PLAG1: variants seen among roughly 807,000 people sequenced by gnomAD.
PLAG1 encodes the protein PLAG1 zinc finger.
In PLAG1, 7 loss-of-function variants were observed where a neutral mutation model predicts 35.5. That is an observed-to-expected ratio of 0.20 (90% CI 0.11 to 0.37). PLAG1 has a LOEUF of 0.37. Ranked by LOEUF, PLAG1 falls within the 10% of genes least tolerant of loss-of-function variation. The pLI, the probability that PLAG1 is intolerant of heterozygous loss-of-function variation, is 1.00. For synonymous variants in PLAG1, 229 were observed against 225.4 expected (o/e 1.02, Z -0.14); for missense variants, 454 against 602.8 (o/e 0.75, Z 2.58).
intron 1 of PLAG1, among the ~76,000 whole-genome samples, chr8:56,205,991 A>G (rs767077460): frequency 6.6e-6 from 1 of 152,028 alleles, no homozygotes; most frequent in African/African-American, 2.4e-5. Flanking sequence ...AATACTAACA[A>G]TTTTAATGCA....
At chr8:56,172,526 T>G (rs1323566690) in intron 2 of PLAG1, among the ~76,000 whole-genome samples, 2 of 152,364 alleles carry the variant, frequency 1.3e-5, no homozygotes, top group East Asian at 1.9e-4. Context: ...AAGACCATTT[T>G]GTGTATTATG....
chr8:56,200,881 T>C (rs1010257557), intron 1 of PLAG1, among the ~76,000 whole-genome samples: 3 of 152,236 alleles, frequency 2.0e-5, no homozygotes, highest in Admixed American at 6.5e-5. Flanking sequence ...GATCTCTTTA[T>C]ACATTAACTC....
Position 56,189,167 on chromosome 8 carries a change from T to A in PLAG1, c.-321-9654A>T, listed in dbSNP as rs180697699. 1.7e-4 allele frequency among the ~76,000 whole-genome samples: 26 copies of A among 152,228 alleles called. 1 individual carries two copies. Among genetic ancestry groups the A allele is most frequent in the Non-Finnish European group, 3.2e-4 (22 of 68,040 alleles). On this transcript the variant is annotated intron_variant, in intron 1 of 4. Coordinates refer to ENST00000316981, the MANE Select transcript of PLAG1 (RefSeq NM_002655.3). ...GGAAGGGCAGGAGGAGAGCTTTCCA[T>A]GCTGTTGGCCAAATGAACCCACGGA...
At chr8:56,180,337 A>G (rs1206959708) in intron 1 of PLAG1, among the ~76,000 whole-genome samples, 3 of 152,206 alleles carry the variant, frequency 2.0e-5, no homozygotes, top group Non-Finnish European at 4.4e-5. Flanking sequence ...AACATTACCA[A>G]CACCTATTAT....
chr8:56,205,203 TA>T (rs1201748408), intron 1 of PLAG1, among the ~76,000 whole-genome samples: 1 of 151,938 alleles, frequency 6.6e-6, no homozygotes, highest in African/African-American at 2.4e-5. Context: ...TTCATTAACT[TA>T]AAGTTTTAAA....
At chr8:56,183,882 G>A (rs1811942809) in intron 1 of PLAG1, among the ~76,000 whole-genome samples, 1 of 152,024 alleles carries the variant, frequency 6.6e-6, no homozygotes, top group African/African-American at 2.4e-5. Flanking sequence ...TAAAACTTCT[G>A]GAAGAAAGCA....
At chr8:56,184,402 T>C (rs1040053700) in intron 1 of PLAG1, among the ~76,000 whole-genome samples, 3 of 152,228 alleles carry the variant, frequency 2.0e-5, no homozygotes, top group Non-Finnish European at 2.9e-5. Context: ...AATGGTACAA[T>C]TGTTTTGAAA....
At chr8:56,189,570 T>C (rs1812123425) in intron 1 of PLAG1, among the ~76,000 whole-genome samples, 1 of 152,132 alleles carries the variant, frequency 6.6e-6, no homozygotes, top group South Asian at 2.1e-4. Flanking sequence ...GAGCTTGGGG[T>C]CTAGTAAGGA....
intron 2 of PLAG1, among the ~76,000 whole-genome samples, chr8:56,179,176 G>A (rs1336153789): frequency 6.6e-6 from 1 of 151,906 alleles, no homozygotes; most frequent in Non-Finnish European, 1.5e-5. Flanking sequence ...TATGTGTTTT[G>A]TGCAAAGAGT....
Position 56,166,169 on chromosome 8 carries a change from G to T in PLAG1, c.*74C>A. On this transcript the variant is annotated 3_prime_UTR_variant, in exon 5 of 5. Transcript: ENST00000316981. ...GAAATTTTTATACTGTTTTAAAGTAGGCACTAAAATAAAAATGGTCATCTA... is the reference window on the plus strand; with the variant it reads ...GAAATTTTTATACTGTTTTAAAGTATGCACTAAAATAAAAATGGTCATCTA... 2.0e-6 allele frequency: 2 copies of T among 1,015,114 alleles called. No individual in the cohort carries two copies. The highest frequency in any genetic ancestry group is 3.8e-5 in the South Asian group (2 of 52,380). 62.9% of individuals were successfully genotyped at this position (1,015,114 alleles called of 1,614,324 possible). A position where few individuals can be genotyped will look rare whatever the true frequency, so the allele number is the denominator to read the frequency against.
chr8:56,203,504 C>T (rs1360192311), intron 1 of PLAG1, among the ~76,000 whole-genome samples: 1 of 152,012 alleles, frequency 6.6e-6, no homozygotes, highest in African/African-American at 2.4e-5. Context: ...AAAAGCTAGA[C>T]CTGATAGATG....
At chr8:56,190,190 G>A (rs1299894423) in intron 1 of PLAG1, among the ~76,000 whole-genome samples, 1 of 152,238 alleles carries the variant, frequency 6.6e-6, no homozygotes. Context: ...AACACAGTGA[G>A]TGGCAAAGGA....
intron 1 of PLAG1, among the ~76,000 whole-genome samples, chr8:56,182,423 C>G (rs1811897749): frequency 6.6e-6 from 1 of 152,094 alleles, no homozygotes; most frequent in South Asian, 2.1e-4. Flanking sequence ...CTCTATGAGG[C>G]AAAATCAGCT....
intron 1 of PLAG1, among the ~76,000 whole-genome samples, chr8:56,192,598 G>C (rs967825006): frequency 6.6e-6 from 1 of 152,218 alleles, no homozygotes; most frequent in African/African-American, 2.4e-5. Flanking sequence ...ATATCTGTTA[G>C]TTTTTAATGC....
Position 56,164,302 on chromosome 8 carries a change from G to A in PLAG1, c.*1941C>T. The stretch of plus-strand genomic sequence containing the variant: ...CTTCAGAGAGCAACTTTGATTCTAT[G>A]AAGTGCGGTATGTGTGCATGTGTGT... On this transcript the variant is annotated 3_prime_UTR_variant, in exon 5 of 5. Coordinates refer to ENST00000316981, the MANE Select transcript of PLAG1 (RefSeq NM_002655.3). 1 of 217,890 alleles carries A rather than the reference G, an allele frequency of 4.6e-6. No individual in the cohort carries two copies. The highest frequency in any genetic ancestry group is 1.9e-4 in the South Asian group (1 of 5,360). The allele number at this position is 217,890 out of a possible 1,614,324, so 13.5% of individuals were successfully genotyped here. A position where few individuals can be genotyped will look rare whatever the true frequency, so the allele number is the denominator to read the frequency against.
intron 1 of PLAG1, among the ~76,000 whole-genome samples, chr8:56,202,353 A>C (rs1812579518): frequency 6.6e-6 from 1 of 152,244 alleles, no homozygotes. Context: ...TAAAAAGCAC[A>C]GAAAACTAGT....
At chr8:56,193,695 CTTTT>C (rs760038291) in intron 1 of PLAG1, among the ~76,000 whole-genome samples, 4 of 130,790 alleles carry the variant, frequency 3.1e-5, no homozygotes, top group Admixed American at 7.8e-5. Flanking sequence ...ATTAGGTAAA[CTTTT>C]TTTTTTTTTT....
intron 1 of PLAG1, among the ~76,000 whole-genome samples, chr8:56,201,230 A>C (rs921343210): frequency 2.6e-5 from 4 of 152,210 alleles, no homozygotes; most frequent in Non-Finnish European, 4.4e-5. Context: ...AAAATTAACC[A>C]AGCTAAGCAA....
intron 3 of PLAG1, 35 bp from the exon 4 acceptor site, chr8:56,168,421 C>G: frequency 9.4e-7 from 1 of 1,058,408 alleles, no homozygotes; most frequent in South Asian, 3.2e-5. Flanking sequence ...TAGTTTGTAA[C>G]TAAACTCAAT....
Sources: allele counts gnomAD v4.1 joint callset (sites outside exome capture counted in the v4.1 genomes callset), GRCh38; gene constraint gnomAD v4.1.1; transcripts MANE v1.5; gene names NCBI Gene and HGNC (gene_info 2026-07-23, HGNC 2026-07-21).